The following F2RL1 variants were observed in gnomAD, a reference collection of about 807,000 sequenced individuals.
The protein encoded by F2RL1 is F2R like trypsin receptor 1, also known as proteinase-activated receptor 2.
F2RL1 carries 16 observed loss-of-function variants against 21.7 expected under a neutral mutation model. That is an observed-to-expected ratio of 0.74 (90% CI 0.50 to 1.12). The LOEUF is 1.12. F2RL1 is among the 50% of genes most tolerant of loss of function. F2RL1 has a pLI of 0.00. For missense variants in F2RL1, 432 were observed against 477.8 expected (o/e 0.90, Z 0.89); for synonymous variants, 181 against 186.7 (o/e 0.97, Z 0.25).
At chr5:76,831,619 C>T (rs910199912) in intron 1 of F2RL1, among the ~76,000 whole-genome samples, 26 of 151,496 alleles carry the variant, frequency 1.7e-4, no homozygotes, top group Non-Finnish European at 3.2e-4. Context: ...CTGCAACCTC[C>T]ACTTCCGGGG....
intron 1 of F2RL1, among the ~76,000 whole-genome samples, chr5:76,819,517 C>T (rs1418976672): frequency 6.6e-6 from 1 of 152,168 alleles, no homozygotes; most frequent in Admixed American, 6.5e-5. Flanking sequence ...AAAGACCCCA[C>T]TTCCCGTAGA....
intron 1 of F2RL1, among the ~76,000 whole-genome samples, chr5:76,825,242 G>C (rs564717826): frequency 4.6e-5 from 7 of 151,598 alleles, no homozygotes; most frequent in African/African-American, 1.7e-4. Flanking sequence ...CTTGATCTCA[G>C]GATCCACCCG....
Position 76,833,353 on chromosome 5 carries a change from G to A in F2RL1, c.746G>A (p.Gly249Glu), listed in dbSNP as rs1465934358. 6.2e-7 allele frequency: 1 copy of A among 1,613,832 alleles called. No individual in the cohort carries two copies. Among genetic ancestry groups the A allele is most frequent in the Non-Finnish European group, 8.5e-7 (1 of 1,180,000 alleles). The change falls in exon 2 of 2, where the codon GGG (glycine) becomes GAG (glutamate). Residue 249 changes from glycine (G) to glutamate (E), a missense_variant. Transcript: ENST00000296677. ...AATTACTTCCTCTCTCTGGCCATTG[G>A]GGTCTTTCTGTTCCCAGCCTTCCTC... ...MFNYFLSLAI[G>E]VFLFPAFLTA...
chr5:76,824,205 C>T (rs1182619043), intron 1 of F2RL1, among the ~76,000 whole-genome samples: 2 of 141,654 alleles, frequency 1.4e-5, no homozygotes, highest in Non-Finnish European at 3.1e-5. Context: ...TGGCTGTCAC[C>T]CAAGCTGGAG....
chr5:76,833,569 A>C lies in F2RL1; in HGVS notation c.962A>C (p.His321Pro), dbSNP rs1001582364. 2 of 1,613,716 alleles carry C rather than the reference A, an allele frequency of 1.2e-6. No homozygotes were observed. The highest frequency in any genetic ancestry group is 1.7e-5 in the Admixed American group (1 of 59,948). The change falls in exon 2 of 2, where the codon CAT (histidine) becomes CCT (proline). Residue 321 changes from histidine to proline, a missense_variant. Coordinates refer to ENST00000296677, the MANE Select transcript of F2RL1 (RefSeq NM_005242.6). Reference sequence around the variant, plus strand: ...CTGATTAAGAGCCAGGGCCAGAGCCATGTCTATGCCCTGTACATTGTAGCC... The same window carrying C: ...CTGATTAAGAGCCAGGGCCAGAGCCCTGTCTATGCCCTGTACATTGTAGCC... Reference protein sequence around the residue: ...YFLIKSQGQSHVYALYIVALC... With the variant: ...YFLIKSQGQSPVYALYIVALC...
chr5:76,819,441 G>T (rs551379337), intron 1 of F2RL1, among the ~76,000 whole-genome samples, 177 bp downstream of exon 1: 4 of 152,322 alleles, frequency 2.6e-5, no homozygotes, highest in Admixed American at 2.6e-4. Context: ...CGCCAAGGAG[G>T]CACCCAGGTG....
chr5:76,822,643 A>G (rs997105305), intron 1 of F2RL1, among the ~76,000 whole-genome samples: 1 of 152,150 alleles, frequency 6.6e-6, no homozygotes, highest in Admixed American at 6.6e-5. Context: ...TCTGTATTTG[A>G]CTTTCTTATG....
At chr5:76,832,342 C>T (rs1266924402) in intron 1 of F2RL1, among the ~76,000 whole-genome samples, 1 of 152,130 alleles carries the variant, frequency 6.6e-6, no homozygotes, top group Non-Finnish European at 1.5e-5. Context: ...CAGTGGCTCA[C>T]ACTTGTATCT....
At chr5:76,824,894 A>G (rs1369435972) in intron 1 of F2RL1, among the ~76,000 whole-genome samples, 1 of 152,192 alleles carries the variant, frequency 6.6e-6, no homozygotes, top group African/African-American at 2.4e-5. Flanking sequence ...GGTGTAAAAT[A>G]AAAAGAAAAG....
In F2RL1 at chr5:76,832,765, T is replaced by A; in HGVS notation, c.158T>A (p.Val53Asp). The change falls in exon 2 of 2, where the codon GTT (valine) becomes GAT (aspartate). Residue 53 changes from valine to aspartate, a missense_variant. Val to Asp is a radical substitution (Grantham distance 152). Transcript: ENST00000296677. ...DGTSHVTGKG[V>D]TVETVFSVDE... ...ACATCCCACGTCACTGGAAAAGGAG[T>A]TACAGTTGAAACAGTCTTTTCTGTG... The A allele has an allele frequency of 1.2e-6, 2 of 1,614,118 alleles. No individual in the cohort carries two copies. Among genetic ancestry groups the A allele is most frequent in the Non-Finnish European group, 1.7e-6 (2 of 1,180,014 alleles).
intron 1 of F2RL1, among the ~76,000 whole-genome samples, chr5:76,825,460 G>A (rs1244359136): frequency 6.6e-6 from 1 of 152,188 alleles, no homozygotes; most frequent in Non-Finnish European, 1.5e-5. Flanking sequence ...TGAGTGGGGG[G>A]ATGCTGCCTT....
intron 1 of F2RL1, among the ~76,000 whole-genome samples, chr5:76,821,732 A>G (rs1750140199): frequency 6.6e-6 from 1 of 150,478 alleles, no homozygotes; most frequent in Admixed American, 6.6e-5. Flanking sequence ...GGCACGCACC[A>G]CCACCCCCAG....
rs1750085383 is a variant in F2RL1, at chr5:76,819,357, G to A, written c.82+93G>A. Reference sequence around the variant, plus strand: ...GGTGGGATCCGGGCAGGTGTGCGAAGGCTGTTCTGCTGCCGGCACCCATCT... The same window carrying A: ...GGTGGGATCCGGGCAGGTGTGCGAAAGCTGTTCTGCTGCCGGCACCCATCT... On this transcript the variant is annotated intron_variant, in intron 1 of 1. Coordinates refer to ENST00000296677, the MANE Select transcript of F2RL1 (RefSeq NM_005242.6). The A allele has an allele frequency of 3.7e-6, 4 of 1,088,590 alleles. No homozygotes were observed. In the South Asian group the frequency reaches 6.0e-5, roughly 16 times the overall value. 67.4% of individuals were successfully genotyped at this position (1,088,590 alleles called of 1,614,324 possible).
At chr5:76,819,551 G>C (rs1750090389) in intron 1 of F2RL1, among the ~76,000 whole-genome samples, 1 of 152,146 alleles carries the variant, frequency 6.6e-6, no homozygotes, top group South Asian at 2.1e-4. Flanking sequence ...GGCACCTCCA[G>C]GCCCCAGCGT....
chr5:76,820,936 G>A (rs1007034526), intron 1 of F2RL1, among the ~76,000 whole-genome samples: 2 of 152,162 alleles, frequency 1.3e-5, no homozygotes, highest in African/African-American at 2.4e-5. Context: ...TTAGGCAGAT[G>A]GAGCTTTCCT....
chr5:76,826,293 T>C (rs1324092767), intron 1 of F2RL1, among the ~76,000 whole-genome samples: 1 of 152,226 alleles, frequency 6.6e-6, no homozygotes, highest in African/African-American at 2.4e-5. Context: ...ATTCAACCAT[T>C]ACCACAATTT....
chr5:76,824,609 G>A (rs1226365272), intron 1 of F2RL1, among the ~76,000 whole-genome samples: 4 of 152,108 alleles, frequency 2.6e-5, no homozygotes, highest in Non-Finnish European at 5.9e-5. Flanking sequence ...TTACAGGCGT[G>A]AGCCACCCTG....
At chr5:76,822,027 C>T (rs533979088) in intron 1 of F2RL1, among the ~76,000 whole-genome samples, 5 of 152,162 alleles carry the variant, frequency 3.3e-5, no homozygotes, top group Admixed American at 6.6e-5. Flanking sequence ...TATATTTTCC[C>T]ACTCTTTATT....
intron 1 of F2RL1, among the ~76,000 whole-genome samples, chr5:76,831,267 C>G (rs1750343741): frequency 2.0e-5 from 3 of 152,086 alleles, no homozygotes; most frequent in African/African-American, 7.2e-5. Flanking sequence ...TCCAGGAAAC[C>G]AGCACATGAG....
Sources: gnomAD v4.1 joint callset for allele counts (sites outside exome capture counted in the v4.1 genomes callset) on GRCh38, gnomAD v4.1.1 for gene constraint, MANE v1.5 for transcripts, NCBI Gene and HGNC (gene_info 2026-07-23, HGNC 2026-07-21) for gene names.